Variants in UHRF2 observed in about 807,000 individuals in gnomAD.
UHRF2 encodes the protein E3 ubiquitin-protein ligase UHRF2.
A neutral mutation model predicts 96.8 loss-of-function variants in UHRF2; 23 were observed. The observed-to-expected ratio is 0.24, with a 90% confidence interval of 0.17 to 0.34. UHRF2 has a LOEUF of 0.34. UHRF2 is among the 10% of genes least tolerant of loss of function. The probability of loss-of-function intolerance (pLI) is 1.00; values close to 1 mark genes in which losing one functional copy is unlikely to be tolerated. For synonymous variants in UHRF2, 385 were observed against 332.6 expected, an observed-to-expected ratio of 1.16 and a Z score of -1.72; for missense variants, 685 against 981.5, an observed-to-expected ratio of 0.70 and a Z score of 4.04.
intron 4 of UHRF2, among the ~76,000 whole-genome samples, chr9:6,461,321 TTCTG>T (rs1822521930): frequency 6.6e-6 from 1 of 150,742 alleles, no homozygotes; most frequent in African/African-American, 2.4e-5. Flanking sequence ...CTTTTTTTCT[TTCTG>T]TCTCTCTCCC....
intron 1 of UHRF2, chr9:6,414,177 C>T (rs1346498338): frequency 6.6e-6 from 1 of 152,280 alleles, no homozygotes; most frequent in Non-Finnish European, 1.5e-5. Context: ...TGGTAGGATT[C>T]GCGCAAACTG....
chr9:6,454,449 C>T (rs918419721), intron 3 of UHRF2, among the ~76,000 whole-genome samples: 6 of 152,144 alleles, frequency 3.9e-5, no homozygotes, highest in Non-Finnish European at 8.8e-5. Context: ...GGACTTAAGG[C>T]ATAGAATGAG....
At chr9:6,476,234 A>G (rs1823563285) in intron 5 of UHRF2, among the ~76,000 whole-genome samples, 1 of 152,186 alleles carries the variant, frequency 6.6e-6, no homozygotes, top group South Asian at 2.1e-4. Flanking sequence ...TGGCAGAATA[A>G]TATTTTATTG....
intron 3 of UHRF2, among the ~76,000 whole-genome samples, chr9:6,455,330 T>C (rs965478288): frequency 1.5e-4 from 23 of 152,152 alleles, no homozygotes; most frequent in African/African-American, 5.3e-4. Flanking sequence ...GATGTTCCCC[T>C]TCCTGTGTCC....
intron 3 of UHRF2, among the ~76,000 whole-genome samples, chr9:6,459,979 C>G (rs1161810856): frequency 6.6e-6 from 1 of 152,000 alleles, no homozygotes; most frequent in Non-Finnish European, 1.5e-5. Flanking sequence ...TCTCAGAAAC[C>G]AAAACAAAAC....
At chr9:6,435,442 C>T (rs1190395820) in intron 3 of UHRF2, among the ~76,000 whole-genome samples, 5 of 152,096 alleles carry the variant, frequency 3.3e-5, no homozygotes, top group African/African-American at 1.2e-4. Context: ...TTTTTTTAAA[C>T]AGCTTTTTAT....
chr9:6,427,685 A>T (rs1563746968), intron 2 of UHRF2, among the ~76,000 whole-genome samples: 1 of 152,040 alleles, frequency 6.6e-6, no homozygotes, highest in African/African-American at 2.4e-5. Context: ...ACCCCATCTC[A>T]AAAAAAAGAA....
chr9:6,415,609 A>G (rs1212933688), intron 1 of UHRF2: 1 of 152,228 alleles, frequency 6.6e-6, no homozygotes, highest in Non-Finnish European at 1.5e-5. Context: ...CCCTACTTCA[A>G]AATACTTTAC....
intron 9 of UHRF2, among the ~76,000 whole-genome samples, chr9:6,489,076 C>T (rs968474374): frequency 1.3e-5 from 2 of 152,184 alleles, no homozygotes; most frequent in Admixed American, 6.5e-5. Flanking sequence ...TCCCAAAGTG[C>T]TGGGATTACA....
intron 1 of UHRF2, among the ~76,000 whole-genome samples, chr9:6,416,798 A>G (rs910693077): frequency 2.6e-5 from 4 of 152,122 alleles, no homozygotes; most frequent in African/African-American, 9.7e-5. Context: ...AAGTGCTGGG[A>G]TTACAGGCGT....
intron 6 of UHRF2, among the ~76,000 whole-genome samples, chr9:6,478,186 A>G (rs2130900529): frequency 6.6e-6 from 1 of 152,232 alleles, no homozygotes; most frequent in South Asian, 2.1e-4. Context: ...AATACTCTAC[A>G]CTGTAGCCAG....
At chr9:6,422,391 T>G (rs1819979729) in intron 2 of UHRF2, among the ~76,000 whole-genome samples, 1 of 152,082 alleles carries the variant, frequency 6.6e-6, no homozygotes, top group African/African-American at 2.4e-5. Flanking sequence ...ACTGTTTTGA[T>G]CTCCCTTTCT....
chr9:6,470,139 A>G (rs1463446410), intron 4 of UHRF2, among the ~76,000 whole-genome samples: 2 of 152,188 alleles, frequency 1.3e-5, no homozygotes, highest in East Asian at 3.9e-4. Flanking sequence ...TTGGAAGGCC[A>G]AGGCGGGCAG....
chr9:6,424,445 A>G (rs762836219), intron 2 of UHRF2, among the ~76,000 whole-genome samples: 4 of 152,208 alleles, frequency 2.6e-5, no homozygotes, highest in Non-Finnish European at 5.9e-5. Flanking sequence ...GATTTCATCC[A>G]CCTTTTAAAT....
intron 3 of UHRF2, among the ~76,000 whole-genome samples, chr9:6,440,803 G>T (rs1437785223): frequency 6.6e-6 from 1 of 152,158 alleles, no homozygotes; most frequent in East Asian, 1.9e-4. Flanking sequence ...GCTACACATT[G>T]TCTAGGAAGT....
chr9:6,441,554 T>G (rs1305545952), intron 3 of UHRF2, among the ~76,000 whole-genome samples: 1 of 152,178 alleles, frequency 6.6e-6, no homozygotes, highest in East Asian at 1.9e-4. Context: ...ATTGATAAAT[T>G]CCTTTTGACC....
chr9:6,445,904 T>C (rs931360115), intron 3 of UHRF2, among the ~76,000 whole-genome samples: 1 of 151,514 alleles, frequency 6.6e-6, no homozygotes, highest in Admixed American at 6.6e-5. Context: ...GTGATAATGG[T>C]ATAAAACTTT....
At chr9:6,493,978 T>C in intron 10 of UHRF2, 46 bp downstream of exon 10, 1 of 1,544,232 alleles carries the variant, frequency 6.5e-7, no homozygotes, top group Non-Finnish European at 8.9e-7. Context: ...GAATAAAAGT[T>C]TCATTATAGG....
intron 2 of UHRF2, among the ~76,000 whole-genome samples, chr9:6,432,992 C>T (rs904837310): frequency 1.3e-5 from 2 of 152,012 alleles, no homozygotes; most frequent in South Asian, 2.1e-4. Context: ...AAGCATGCTC[C>T]ACCACGCCTG....
Sources: gnomAD v4.1 joint callset for allele counts (sites outside exome capture counted in the v4.1 genomes callset) on GRCh38, gnomAD v4.1.1 for gene constraint, MANE v1.5 for transcripts, NCBI Gene and HGNC (gene_info 2026-07-23, HGNC 2026-07-21) for gene names.